The following PEBP4 variants were observed in gnomAD, a reference collection of about 807,000 sequenced individuals.
PEBP4 encodes the protein phosphatidylethanolamine-binding protein 4.
PEBP4 carries 22 observed loss-of-function variants against 23.9 expected under a neutral mutation model. The ratio of observed to expected loss-of-function variants is 0.92; its 90% confidence interval spans 0.66 to 1.31. The LOEUF (loss-of-function observed/expected upper bound fraction) is 1.31. Among genes scored for constraint, PEBP4 ranks in the 40% most tolerant of loss-of-function variants. The pLI is 0.00. For synonymous variants in PEBP4, 112 were observed against 99.3 expected (o/e 1.13, Z -0.76); for missense variants, 324 against 281.7 (o/e 1.15, Z -1.07).
chr8:22,736,231 T>C (rs1451182092), intron 4 of PEBP4, among the ~76,000 whole-genome samples: 1 of 152,164 alleles, frequency 6.6e-6, no homozygotes, highest in African/African-American at 2.4e-5. Context: ...ATTCTCTGGA[T>C]GGGGTTCCGG....
At chr8:22,920,065 C>A (rs1454009939) in intron 3 of PEBP4, 119 bp downstream of exon 3, 9 of 1,272,690 alleles carry the variant, frequency 7.1e-6, no homozygotes, top group Non-Finnish European at 8.6e-6. Flanking sequence ...CCATCTGCAG[C>A]CACCAGACCC....
intron 3 of PEBP4, among the ~76,000 whole-genome samples, chr8:22,825,681 C>T (rs1266943447): frequency 6.6e-6 from 1 of 152,092 alleles, no homozygotes; most frequent in Non-Finnish European, 1.5e-5. Flanking sequence ...TCTAGACATA[C>T]CATAAAAATA....
upstream of PEBP4, among the ~76,000 whole-genome samples, chr8:22,932,267 A>G (rs913035574): frequency 2.0e-5 from 3 of 151,408 alleles, no homozygotes; most frequent in Admixed American, 6.6e-5. Context: ...AATGAGAGGT[A>G]TGGGGATGAT....
intron 3 of PEBP4, among the ~76,000 whole-genome samples, chr8:22,858,995 G>A (rs1807711889): frequency 6.6e-6 from 1 of 152,096 alleles, no homozygotes; most frequent in Non-Finnish European, 1.5e-5. Context: ...ACTACCTTGT[G>A]GTCATCTGGT....
intron 4 of PEBP4, among the ~76,000 whole-genome samples, chr8:22,815,679 G>A (rs1224212153): frequency 6.6e-6 from 1 of 152,214 alleles, no homozygotes; most frequent in Non-Finnish European, 1.5e-5. Flanking sequence ...GGCCGCACCC[G>A]GGCAGGTGGC....
intron 4 of PEBP4, among the ~76,000 whole-genome samples, chr8:22,798,350 C>T (rs1260227370): frequency 2.6e-5 from 4 of 152,128 alleles, no homozygotes; most frequent in Non-Finnish European, 5.9e-5. Context: ...AGCCCATTCC[C>T]CCAACTACCT....
intron 3 of PEBP4, among the ~76,000 whole-genome samples, chr8:22,874,964 G>A (rs1201975624): frequency 2.0e-5 from 3 of 151,458 alleles, no homozygotes; most frequent in African/African-American, 7.3e-5. Context: ...GCTGTCCATT[G>A]GGGCTTTAAG....
At chr8:22,891,545 A>G (rs1808495104) in intron 3 of PEBP4, among the ~76,000 whole-genome samples, 1 of 152,226 alleles carries the variant, frequency 6.6e-6, no homozygotes, top group African/African-American at 2.4e-5. Flanking sequence ...TAGGCATAGT[A>G]CTGTCTCTAG....
intron 4 of PEBP4, among the ~76,000 whole-genome samples, chr8:22,749,732 G>A (rs756444736): frequency 2.6e-5 from 4 of 151,516 alleles, no homozygotes; most frequent in Middle Eastern, 3.4e-3. Context: ...TCAGGGCCAC[G>A]GCATCCATAG....
Position 22,837,777 on chromosome 8 carries a change from T to C in PEBP4, c.259-20042A>G, listed in dbSNP as rs111870029. On this transcript the variant is annotated intron_variant, in intron 3 of 6. Transcript: ENST00000256404. ...TGGACCAGAGAAGCTGTCCTCATTC[T>C]TTGAACCCCAATAGCATTTTGCTTG... is the stretch of plus-strand genomic sequence containing the variant. 8.1e-4 allele frequency among the ~76,000 whole-genome samples: 123 copies of C among 152,336 alleles called. 1 individual carries two copies. Among genetic ancestry groups the C allele is most frequent in the African/African-American group, 2.6e-3 (108 of 41,580 alleles).
chr8:22,914,955 T>C (rs1425412892), intron 3 of PEBP4, among the ~76,000 whole-genome samples: 2 of 151,974 alleles, frequency 1.3e-5, no homozygotes, highest in Non-Finnish European at 2.9e-5. Context: ...ATTAACAGCA[T>C]CCCCCTTTAG....
At chr8:22,763,680 G>C (rs887476722) in intron 4 of PEBP4, among the ~76,000 whole-genome samples, 1 of 152,120 alleles carries the variant, frequency 6.6e-6, no homozygotes, top group Non-Finnish European at 1.5e-5. Context: ...GCTAATTAAG[G>C]TTAGCTATCA....
At chr8:22,869,895 A>G (rs1191798500) in intron 3 of PEBP4, among the ~76,000 whole-genome samples, 1 of 152,212 alleles carries the variant, frequency 6.6e-6, no homozygotes, top group Non-Finnish European at 1.5e-5. Flanking sequence ...AATCCAGAAC[A>G]CTGACAACAT....
chr8:22,920,680 G>A (rs954959045), intron 2 of PEBP4, among the ~76,000 whole-genome samples: 2 of 152,164 alleles, frequency 1.3e-5, no homozygotes, highest in Non-Finnish European at 2.9e-5. Context: ...AAGTAGGATT[G>A]AGTTTATAAA....
chr8:22,797,876 G>A (rs563422602), intron 4 of PEBP4, among the ~76,000 whole-genome samples: 61 of 152,308 alleles, frequency 4.0e-4, no homozygotes, highest in South Asian at 3.1e-3. Context: ...GGCCAGAAAG[G>A]GCTGGTGCCA....
intron 3 of PEBP4, among the ~76,000 whole-genome samples, chr8:22,834,619 T>C (rs1029581749): frequency 6.6e-6 from 1 of 152,224 alleles, no homozygotes; most frequent in African/African-American, 2.4e-5. Flanking sequence ...CAGGCTCTAC[T>C]GCATTGAGAG....
chr8:22,910,515 C>T (rs535393414), intron 3 of PEBP4, among the ~76,000 whole-genome samples: 26 of 152,298 alleles, frequency 1.7e-4, no homozygotes, highest in African/African-American at 5.5e-4. Context: ...AGGCAGTTCT[C>T]CATCCACCTG....
chr8:22,925,616 C>G (rs1809310360), intron 2 of PEBP4, among the ~76,000 whole-genome samples: 1 of 152,152 alleles, frequency 6.6e-6, no homozygotes, highest in African/African-American at 2.4e-5. Flanking sequence ...CATGGGTCAC[C>G]AGGGCACCAA....
intron 4 of PEBP4, among the ~76,000 whole-genome samples, chr8:22,751,441 C>A (rs945270016): frequency 3.3e-5 from 5 of 152,172 alleles, no homozygotes; most frequent in Admixed American, 3.3e-4. Flanking sequence ...TAGGTCTTCC[C>A]TATCTTGATG....
Sources: gnomAD v4.1 joint callset for allele counts (sites outside exome capture counted in the v4.1 genomes callset) on GRCh38, gnomAD v4.1.1 for gene constraint, MANE v1.5 for transcripts, NCBI Gene and HGNC (gene_info 2026-07-23, HGNC 2026-07-21) for gene names.